PRUNE1: variants seen among roughly 807,000 people sequenced by gnomAD.
PRUNE1 encodes exopolyphosphatase PRUNE1.
A neutral mutation model predicts 42.5 loss-of-function variants in PRUNE1; 25 were observed. That is an observed-to-expected ratio of 0.59 (90% CI 0.43 to 0.82). The LOEUF (loss-of-function observed/expected upper bound fraction) is 0.82. PRUNE1 is among the 40% of genes least tolerant of loss of function. The pLI is 0.00. For synonymous variants in PRUNE1, 203 were observed against 217.1 expected, an observed-to-expected ratio of 0.93 and a Z score of 0.57; for missense variants, 443 against 539.3, an observed-to-expected ratio of 0.82 and a Z score of 1.77.
chr1:151,008,566 G>A lies in PRUNE1; in HGVS notation c.-67G>A. 2 of 1,591,408 alleles carry A rather than the reference G, an allele frequency of 1.3e-6. No individual in the cohort carries two copies. The highest frequency in any genetic ancestry group is 1.7e-6 in the Non-Finnish European group (2 of 1,159,314). On this transcript the variant is annotated 5_prime_UTR_variant, in exon 1 of 8. Transcript: ENST00000271620. ...GTCCCGGGCGGGCTGCATTCGTCGGGGAAACCTCTCCTCGACCAGGGGCAC... is the reference window on the plus strand; with the variant it reads ...GTCCCGGGCGGGCTGCATTCGTCGGAGAAACCTCTCCTCGACCAGGGGCAC...
chr1:151,026,082 T>G (rs994826291), intron 5 of PRUNE1, among the ~76,000 whole-genome samples: 5 of 151,784 alleles, frequency 3.3e-5, no homozygotes, highest in Non-Finnish European at 7.4e-5. Flanking sequence ...AAGTACCATA[T>G]TAGCCTAAGC....
chr1:151,028,649 C>T (rs1280696561), intron 6 of PRUNE1, 137 bp from the exon 7 acceptor site: 19 of 838,690 alleles, frequency 2.3e-5, no homozygotes, highest in Non-Finnish European at 3.5e-5. Context: ...GTCTCGAACT[C>T]CTGACCTCAA....
chr1:151,026,847 CT>C (rs766393235), intron 5 of PRUNE1, among the ~76,000 whole-genome samples: 506 of 128,604 alleles, frequency 3.9e-3, no homozygotes, highest in Non-Finnish European at 4.8e-3. Flanking sequence ...TTCTTTCTTT[CT>C]TTTTTTTTTT....
intron 3 of PRUNE1, among the ~76,000 whole-genome samples, chr1:151,022,028 G>C (rs1004640732): frequency 2.6e-5 from 4 of 151,232 alleles, no homozygotes; most frequent in African/African-American, 9.7e-5. Context: ...GAGTACAGCG[G>C]CATCATCATA....
chr1:151,021,465 T>G (rs998772412), intron 3 of PRUNE1, among the ~76,000 whole-genome samples: 1 of 150,886 alleles, frequency 6.6e-6, no homozygotes, highest in African/African-American at 2.4e-5. Flanking sequence ...CAAAAAAAAA[T>G]TTTTTTTAAT....
At position 151,008,468 on chromosome 1, in the gene PRUNE1, C is replaced by G. The variant is rs774802996; in HGVS notation, c.-165C>G. 3.4e-5 allele frequency: 39 copies of G among 1,150,990 alleles called. No individual in the cohort carries two copies. Among genetic ancestry groups the G allele is most frequent in the Non-Finnish European group, 4.7e-5 (37 of 788,080 alleles). 71.3% of individuals were successfully genotyped at this position (1,150,990 alleles called of 1,614,324 possible). A position where few individuals can be genotyped will look rare whatever the true frequency, so the allele number is the denominator to read the frequency against. ...CGGAGCGCCCGCTTACGCAGTTCCT[C>G]CCGGGGTCGGAGGCCGATTCGCCGT... is the stretch of plus-strand genomic sequence containing the variant. On this transcript the variant is annotated 5_prime_UTR_variant, in exon 1 of 8. Coordinates refer to ENST00000271620, the MANE Select transcript of PRUNE1 (RefSeq NM_021222.3).
chr1:151,014,533 G>A (rs1184733205), intron 1 of PRUNE1, among the ~76,000 whole-genome samples: 1 of 152,204 alleles, frequency 6.6e-6, no homozygotes, highest in South Asian at 2.1e-4. Context: ...TCCAGTGGGG[G>A]AAGAGAAGAG....
intron 1 of PRUNE1, among the ~76,000 whole-genome samples, chr1:151,016,926 C>G (rs981392697): frequency 6.6e-6 from 1 of 150,844 alleles, no homozygotes; most frequent in Non-Finnish European, 1.5e-5. Context: ...TTTGGGAGGC[C>G]AAGGCGGGCG....
At chr1:151,029,434 C>T (rs1675096326) in intron 7 of PRUNE1, among the ~76,000 whole-genome samples, 1 of 137,334 alleles carries the variant, frequency 7.3e-6, no homozygotes, top group Non-Finnish European at 1.5e-5. Flanking sequence ...GTGGCACAAT[C>T]TCGGCTCACT....
At chr1:151,012,695 A>G (rs1673847214) in intron 1 of PRUNE1, among the ~76,000 whole-genome samples, 1 of 152,186 alleles carries the variant, frequency 6.6e-6, no homozygotes, top group African/African-American at 2.4e-5. Context: ...TACTATTTAC[A>G]GCGTAGGCAC....
chr1:151,012,766 C>T (rs1404362585), intron 1 of PRUNE1, among the ~76,000 whole-genome samples: 1 of 152,048 alleles, frequency 6.6e-6, no homozygotes, highest in African/African-American at 2.4e-5. Flanking sequence ...CGATATTATT[C>T]TCATTTTTTT....
At chr1:151,014,043 G>A (rs974279054) in intron 1 of PRUNE1, among the ~76,000 whole-genome samples, 12 of 151,364 alleles carry the variant, frequency 7.9e-5, no homozygotes, top group Non-Finnish European at 1.6e-4. Context: ...GCAGTGGCAC[G>A]ATCTTGGCTC....
rs776145721 is a variant in PRUNE1 at position 151,017,793 on chromosome 1, C to G, written c.40-19C>G. On this transcript the variant is annotated intron_variant, in intron 1 of 7. Coordinates refer to ENST00000271620, the MANE Select transcript of PRUNE1 (RefSeq NM_021222.3). ...AATAGAGATACTTTTGTTAGTTTCC[C>G]ATTTTCCTTTCTCTCCAGGAGTCCC... is the stretch of plus-strand genomic sequence containing the variant. The G allele has an allele frequency of 8.1e-6, 12 of 1,486,634 alleles. No individual in the cohort carries two copies. Among genetic ancestry groups the G allele is most frequent in the Non-Finnish European group, 1.1e-5 (12 of 1,078,624 alleles). The allele number at this position is 1,486,634 out of a possible 1,614,324, so 92.1% of individuals were successfully genotyped here. A position where few individuals can be genotyped will look rare whatever the true frequency, so the allele number is the denominator to read the frequency against.
At chr1:151,029,088 C>T in intron 7 of PRUNE1, 144 bp downstream of exon 7, 1 of 731,842 alleles carries the variant, frequency 1.4e-6, no homozygotes, top group Non-Finnish European at 2.1e-6. Flanking sequence ...TGTTTCTGGA[C>T]CTGTTTCCTC....
rs1209262393 is a variant in PRUNE1 at position 151,008,490 on chromosome 1, C to T, written c.-143C>T. The T allele has an allele frequency of 3.2e-6, 4 of 1,241,236 alleles. No individual in the cohort carries two copies. In the Admixed American group the frequency reaches 5.4e-5, roughly 17 times the overall value. The allele number at this position is 1,241,236 out of a possible 1,614,324, so 76.9% of individuals were successfully genotyped here. A position where few individuals can be genotyped will look rare whatever the true frequency, so the allele number is the denominator to read the frequency against. Reference sequence around the variant, plus strand: ...CCTCCCGGGGTCGGAGGCCGATTCGCCGTGTGGCGGGTTCGAGTCCCGCCT... The same window carrying T: ...CCTCCCGGGGTCGGAGGCCGATTCGTCGTGTGGCGGGTTCGAGTCCCGCCT... On this transcript the variant is annotated 5_prime_UTR_variant, in exon 1 of 8. Coordinates refer to ENST00000271620, the MANE Select transcript of PRUNE1 (RefSeq NM_021222.3).
chr1:151,024,582 C>T (rs1271872318), intron 3 of PRUNE1, 29 bp from the exon 4 acceptor site: 2 of 1,563,916 alleles, frequency 1.3e-6, no homozygotes, highest in Admixed American at 1.7e-5. Context: ...TATCTTTCTT[C>T]CTCTTTTCCC....
At chr1:151,028,675 G>A (rs772197180) in intron 6 of PRUNE1, 111 bp from the exon 7 acceptor site, 40 of 1,102,792 alleles carry the variant, frequency 3.6e-5, no homozygotes, top group Admixed American at 2.0e-4. Flanking sequence ...CACCTGCCTC[G>A]GCCTCCCAAA....
intron 1 of PRUNE1, among the ~76,000 whole-genome samples, chr1:151,011,764 T>A (rs940919495): frequency 1.2e-4 from 18 of 149,534 alleles, no homozygotes; most frequent in African/African-American, 4.4e-4. Context: ...TTTATTCATT[T>A]ATTTATTTTA....
chr1:151,023,488 G>A (rs587699583), intron 3 of PRUNE1, among the ~76,000 whole-genome samples: 1 of 152,250 alleles, frequency 6.6e-6, no homozygotes, highest in South Asian at 2.1e-4. Context: ...GGGAGGCCGA[G>A]GCGGGCGGAT....
Sources: allele counts gnomAD v4.1 joint callset (sites outside exome capture counted in the v4.1 genomes callset), GRCh38; gene constraint gnomAD v4.1.1; transcripts MANE v1.5; gene names NCBI Gene and HGNC (gene_info 2026-07-23, HGNC 2026-07-21).